ZBTB7C: variants seen among roughly 807,000 people sequenced by gnomAD.
ZBTB7C encodes the protein zinc finger and BTB domain-containing protein 7C.
A neutral mutation model predicts 25.7 loss-of-function variants in ZBTB7C; 8 were observed. That is an observed-to-expected ratio of 0.31 (90% CI 0.18 to 0.56). ZBTB7C has a LOEUF of 0.56. ZBTB7C is among the 20% of genes least tolerant of loss of function. ZBTB7C has a pLI of 0.91. For missense variants in ZBTB7C, 824 were observed against 855.2 expected (o/e 0.96, Z 0.46); for synonymous variants, 394 against 369.0 (o/e 1.07, Z -0.78).
chr18:48,368,278 T>G (rs913168610), intron 1 of ZBTB7C, among the ~76,000 whole-genome samples: 1 of 139,966 alleles, frequency 7.1e-6, no homozygotes, highest in Non-Finnish European at 1.6e-5. Flanking sequence ...AAGAACCAAA[T>G]GGAAACTTCA....
chr18:48,393,668 C>G (rs564473113), intron 1 of ZBTB7C, among the ~76,000 whole-genome samples: 9 of 152,206 alleles, frequency 5.9e-5, no homozygotes, highest in African/African-American at 1.2e-4. Flanking sequence ...CACACACACA[C>G]GCACACAGAG....
Position 48,029,922 on chromosome 18 carries a change from G to C in ZBTB7C, c.1209-11C>G. On this transcript the variant is annotated splice_polypyrimidine_tract_variant and intron_variant, in intron 4 of 4. Transcript: ENST00000590800. Reference sequence around the variant, plus strand: ...TTCAGCTTGTCCTGCCTGCAATGCAGAGACTGGGGGTCAGTCCCGCAGGGA... The same window carrying C: ...TTCAGCTTGTCCTGCCTGCAATGCACAGACTGGGGGTCAGTCCCGCAGGGA... 6.2e-7 allele frequency: 1 copy of C among 1,609,996 alleles called. No individual in the cohort carries two copies. Among genetic ancestry groups the C allele is most frequent in the Non-Finnish European group, 8.5e-7 (1 of 1,179,978 alleles).
intron 3 of ZBTB7C, among the ~76,000 whole-genome samples, chr18:48,074,720 A>T (rs902239380): frequency 6.6e-6 from 1 of 152,242 alleles, no homozygotes; most frequent in Non-Finnish European, 1.5e-5. Flanking sequence ...GAGAAAAGTA[A>T]GGGCCTCTTC....
chr18:48,194,866 C>T (rs2042281775), intron 2 of ZBTB7C, among the ~76,000 whole-genome samples: 1 of 135,796 alleles, frequency 7.4e-6, no homozygotes, highest in African/African-American at 2.8e-5. Flanking sequence ...TCGGGCCCTG[C>T]AGAGACACAT....
intron 2 of ZBTB7C, among the ~76,000 whole-genome samples, chr18:48,311,596 G>T (rs1451685911): frequency 6.7e-6 from 1 of 149,020 alleles, no homozygotes; most frequent in Non-Finnish European, 1.5e-5. Context: ...GAAAACTGAG[G>T]TTCAGAGAGG....
intron 2 of ZBTB7C, among the ~76,000 whole-genome samples, chr18:48,296,703 C>T (rs1468406231): frequency 1.3e-5 from 2 of 152,158 alleles, no homozygotes; most frequent in Non-Finnish European, 2.9e-5. Context: ...GGTCCCCAGT[C>T]CCCGGGGCCA....
At chr18:48,189,714 C>T (rs931647119) in intron 2 of ZBTB7C, among the ~76,000 whole-genome samples, 1 of 152,196 alleles carries the variant, frequency 6.6e-6, no homozygotes, top group African/African-American at 2.4e-5. Context: ...ATTTCAGGTG[C>T]CTTCCCAGGC....
chr18:48,205,101 T>C (rs1441689459), intron 2 of ZBTB7C, among the ~76,000 whole-genome samples: 1 of 151,912 alleles, frequency 6.6e-6, no homozygotes, highest in East Asian at 1.9e-4. Flanking sequence ...CTCTTCACTG[T>C]AGGAAGATTT....
intron 1 of ZBTB7C, among the ~76,000 whole-genome samples, chr18:48,371,108 T>A (rs115937826): frequency 0.041 from 6,202 of 152,176 alleles, 145 homozygotes; most frequent in Non-Finnish European, 0.05. Flanking sequence ...GTACCTAGCT[T>A]TCACTTATCT....
intron 3 of ZBTB7C, chr18:48,185,592 T>C (rs1197071272): frequency 5.6e-6 from 1 of 179,052 alleles, no homozygotes; most frequent in Non-Finnish European, 1.2e-5. Flanking sequence ...AACTTAGAAC[T>C]GTACAAACTG....
intron 2 of ZBTB7C, among the ~76,000 whole-genome samples, chr18:48,195,769 C>A (rs2042304995): frequency 6.6e-6 from 1 of 152,140 alleles, no homozygotes; most frequent in Admixed American, 6.5e-5. Context: ...TTCACCCACA[C>A]CTAACTCAAC....
intron 2 of ZBTB7C, among the ~76,000 whole-genome samples, chr18:48,304,707 G>A (rs1009843803): frequency 3.3e-5 from 5 of 151,984 alleles, no homozygotes; most frequent in East Asian, 1.9e-4. Flanking sequence ...TTGCCATGGT[G>A]GCGCACACCT....
chr18:48,326,590 G>A (rs1056536848), intron 2 of ZBTB7C, among the ~76,000 whole-genome samples: 15 of 128,468 alleles, frequency 1.2e-4, no homozygotes, highest in Admixed American at 1.7e-4. Context: ...GAATACTACA[G>A]AGCAATCAAA....
At chr18:48,134,090 AT>A (rs35281038) in intron 3 of ZBTB7C, among the ~76,000 whole-genome samples, 11,851 of 138,968 alleles carry the variant, frequency 0.085, 582 homozygotes, top group African/African-American at 0.13. Context: ...CAAACCCAGG[AT>A]TTTTTTTTTT....
chr18:48,206,788 G>A (rs191754248), intron 2 of ZBTB7C, among the ~76,000 whole-genome samples: 341 of 152,286 alleles, frequency 2.2e-3, no homozygotes, highest in African/African-American at 7.6e-3. Context: ...ATATATGTTT[G>A]TGATCTCAGG....
At chr18:48,162,590 A>C (rs933833334) in intron 3 of ZBTB7C, among the ~76,000 whole-genome samples, 3 of 152,186 alleles carry the variant, frequency 2.0e-5, no homozygotes, top group Admixed American at 2.0e-4. Flanking sequence ...GAGGGAGATC[A>C]CATGGTATGG....
chr18:48,207,395 C>A (rs1406535052), intron 2 of ZBTB7C, among the ~76,000 whole-genome samples: 1 of 152,072 alleles, frequency 6.6e-6, no homozygotes, highest in Non-Finnish European at 1.5e-5. Context: ...ATAGTCTCAA[C>A]CTAGAAATAA....
At chr18:48,057,962 T>C (rs2036982081) in intron 3 of ZBTB7C, among the ~76,000 whole-genome samples, 1 of 152,160 alleles carries the variant, frequency 6.6e-6, no homozygotes, top group African/African-American at 2.4e-5. Context: ...CGTGGCCACA[T>C]AGGCAAGCTG....
At position 48,137,139 on chromosome 18, in the gene ZBTB7C, C is replaced by G. The variant is rs1365110981; in HGVS notation, c.-17+48795G>C. On this transcript the variant is annotated intron_variant, in intron 3 of 4. Coordinates refer to ENST00000590800, the MANE Select transcript of ZBTB7C (RefSeq NM_001318841.2). Reference sequence around the variant, plus strand: ...AGCCGGCGGGAGGTTGTCATTGATTCGTGCTGGGCGAGTTAAGCCATTCCA... The same window carrying G: ...AGCCGGCGGGAGGTTGTCATTGATTGGTGCTGGGCGAGTTAAGCCATTCCA... 6.1e-6 allele frequency: 6 copies of G among 985,430 alleles called. No individual in the cohort carries two copies. The South Asian group carries it at 1.9e-4, about 31-fold the overall frequency. 61.0% of individuals were successfully genotyped at this position (985,430 alleles called of 1,614,324 possible). A position where few individuals can be genotyped will look rare whatever the true frequency, so the allele number is the denominator to read the frequency against.
Sources: gnomAD v4.1 joint callset for allele counts (sites outside exome capture counted in the v4.1 genomes callset) on GRCh38, gnomAD v4.1.1 for gene constraint, MANE v1.5 for transcripts, NCBI Gene and HGNC (gene_info 2026-07-23, HGNC 2026-07-21) for gene names.